ABITRAM: variants seen among roughly 807,000 people sequenced by gnomAD.
ABITRAM encodes the protein actin binding transcription modulator, also known as protein Abitram.
A neutral mutation model predicts 22.9 loss-of-function variants in ABITRAM; 19 were observed. The ratio of observed to expected loss-of-function variants is 0.83; its 90% CI spans 0.58 to 1.22. ABITRAM has a LOEUF of 1.22. Ranked by LOEUF, ABITRAM falls within the 50% of genes most tolerant of loss-of-function variation. The pLI is 0.00. For synonymous variants in ABITRAM, 70 were observed against 73.9 expected (o/e 0.95, Z 0.27); for missense variants, 215 against 220.2 (o/e 0.98, Z 0.15).
At position 108,939,784 on chromosome 9, in the gene ABITRAM, T is replaced by TAACA. The variant is rs1830234742; in HGVS notation, c.*99_*102dup. On this transcript the variant is annotated 3_prime_UTR_variant, in exon 6 of 6. Transcript: ENST00000322940. ...AGAACCAGTATATGTAAAGCATACC[T>TAACA]AACAGCCAGCCATATGCAGGGGAGG... is the stretch of plus-strand genomic sequence containing the variant. 3 of 1,414,468 alleles carry TAACA rather than the reference T, an allele frequency of 2.1e-6. No homozygotes were observed. The highest frequency in any genetic ancestry group is 2.9e-5 in the African/African-American group (2 of 69,576). 87.6% of individuals were successfully genotyped at this position (1,414,468 alleles called of 1,614,324 possible).
chr9:108,942,735 CAT>C (rs763840176), downstream of ABITRAM: 7 of 1,286,026 alleles, frequency 5.4e-6, no homozygotes, highest in Non-Finnish European at 7.8e-6. Context: ...AGCTTCATCA[CAT>C]GATGTTCCAG....
At chr9:108,943,673 G>T (rs1830313101), downstream of ABITRAM, 1 of 1,572,222 alleles carries the variant, frequency 6.4e-7, no homozygotes, top group Non-Finnish European at 8.7e-7. Context: ...AAAGATAGAT[G>T]TGTGAAAGTT....
chr9:108,941,436 C>A (rs970501297), downstream of ABITRAM, among the ~76,000 whole-genome samples: 2 of 152,142 alleles, frequency 1.3e-5, no homozygotes, highest in Non-Finnish European at 2.9e-5. Flanking sequence ...ATCATTCTCC[C>A]ATTATTTCTA....
intron 3 of ABITRAM, 37 bp downstream of exon 3, chr9:108,936,474 C>CCT: frequency 6.3e-7 from 1 of 1,599,506 alleles, no homozygotes; most frequent in Non-Finnish European, 8.5e-7. Context: ...CTACTTACAT[C>CCT]CTCTATATTC....
At chr9:108,942,661 GTTTTC>G, downstream of ABITRAM, 1 of 808,260 alleles carries the variant, frequency 1.2e-6, no homozygotes, top group African/African-American at 1.7e-5. Flanking sequence ...TTTCAATATT[GTTTTC>G]TTTATAAAAT....
At chr9:108,934,596 G>A (rs777503982) in intron 1 of ABITRAM, 31 bp downstream of exon 1, 1 of 1,570,192 alleles carries the variant, frequency 6.4e-7, no homozygotes, top group Non-Finnish European at 8.7e-7. Context: ...ATCCCTCCTT[G>A]GCCGCACTGG....
At chr9:108,943,032 T>C, downstream of ABITRAM, 1 of 1,611,386 alleles carries the variant, frequency 6.2e-7, no homozygotes, top group South Asian at 1.1e-5. Flanking sequence ...GTCTTCGTAA[T>C]ACACTTGTCA....
Position 108,936,390 on chromosome 9 carries a change from A to G in ABITRAM, c.214A>G (p.Thr72Ala). Residue 72 changes from threonine to alanine, a missense_variant, in exon 3 of 6, where the codon ACC (threonine) becomes GCC (alanine). Physicochemically the swap from Thr to Ala is moderately conservative, Grantham distance 58 (BLOSUM62 0). Transcript: ENST00000322940. ...TIKSISYQISTNCSRLQNKVS... is the reference protein window; with the variant it reads ...TIKSISYQISANCSRLQNKVS... ...TAAAAGCATTTCCTATCAGATCAGTACCAACTGTAGCAGACTTCAGAACAA... is the reference window on the plus strand; with the variant it reads ...TAAAAGCATTTCCTATCAGATCAGTGCCAACTGTAGCAGACTTCAGAACAA... The G allele has an allele frequency of 6.2e-7, 1 of 1,614,030 alleles. No individual in the cohort carries two copies. The highest frequency in any genetic ancestry group is 8.5e-7 in the Non-Finnish European group (1 of 1,179,972).
At chr9:108,943,071 A>G (rs978203980), downstream of ABITRAM, 1 of 1,580,048 alleles carries the variant, frequency 6.3e-7, no homozygotes. Context: ...CATGCAAATG[A>G]TATTCTAAAA....
chr9:108,942,721 T>G, downstream of ABITRAM: 1 of 1,162,518 alleles, frequency 8.6e-7, no homozygotes, highest in African/African-American at 1.5e-5. Context: ...TTTTTAAAAA[T>G]GTCAGCTTCA....
downstream of ABITRAM, chr9:108,942,492 C>T (rs984323629): frequency 2.2e-6 from 1 of 455,944 alleles, no homozygotes; most frequent in African/African-American, 2.0e-5. Context: ...TTAAATTGTC[C>T]TTGAGACAGT....
chr9:108,944,306 C>A (rs1369396030), downstream of ABITRAM, among the ~76,000 whole-genome samples: 1 of 152,194 alleles, frequency 6.6e-6, no homozygotes, highest in Non-Finnish European at 1.5e-5. Context: ...TTCAGCCACA[C>A]AAATTATGTC....
At chr9:108,937,862 G>T (rs1369003376) in intron 3 of ABITRAM, among the ~76,000 whole-genome samples, 1 of 151,832 alleles carries the variant, frequency 6.6e-6, no homozygotes, top group Non-Finnish European at 1.5e-5. Flanking sequence ...GCTGGGCATG[G>T]TGGCATGTGC....
downstream of ABITRAM, chr9:108,943,706 T>A (rs1830314608): frequency 6.2e-7 from 1 of 1,608,296 alleles, no homozygotes; most frequent in South Asian, 1.1e-5. Flanking sequence ...CTTTTACCTT[T>A]AGAAATACTT....
downstream of ABITRAM, among the ~76,000 whole-genome samples, chr9:108,944,512 T>C (rs544876814): frequency 1.6e-4 from 24 of 152,318 alleles, no homozygotes; most frequent in East Asian, 4.6e-3. Flanking sequence ...GTTGCCACTT[T>C]TTTTCAGATT....
At chr9:108,947,130 T>G (rs1830428850) in intron 3 of ABITRAM, among the ~76,000 whole-genome samples, 1 of 151,160 alleles carries the variant, frequency 6.6e-6, no homozygotes, top group South Asian at 2.1e-4. Context: ...TTTTTTTTTT[T>G]TGAGATGGAG....
chr9:108,941,219 G>T (rs2132069475), downstream of ABITRAM, among the ~76,000 whole-genome samples: 1 of 152,178 alleles, frequency 6.6e-6, no homozygotes, highest in South Asian at 2.1e-4. Context: ...GTGCCAGCAT[G>T]ACTATCCCCC....
chr9:108,935,568 C>A, intron 1 of ABITRAM, 70 bp from the exon 2 acceptor site: 1 of 1,223,698 alleles, frequency 8.2e-7, no homozygotes, highest in Non-Finnish European at 1.2e-6. Context: ...ACTATATGAC[C>A]CAAAGAAAGT....
At chr9:108,934,592 C>T (rs537656583) in intron 1 of ABITRAM, 27 bp downstream of exon 1, 1 of 1,584,284 alleles carries the variant, frequency 6.3e-7, no homozygotes, top group South Asian at 1.1e-5. Context: ...GTTGATCCCT[C>T]CTTGGCCGCA....
Sources: gnomAD v4.1 joint callset for allele counts (sites outside exome capture counted in the v4.1 genomes callset) on GRCh38, gnomAD v4.1.1 for gene constraint, MANE v1.5 for transcripts, NCBI Gene and HGNC (gene_info 2026-07-23, HGNC 2026-07-21) for gene names.